PRORP: variants seen among roughly 807,000 people sequenced by gnomAD.
PRORP encodes the protein protein only RNase P catalytic subunit.
A neutral mutation model predicts 59.4 loss-of-function variants in PRORP; 51 were observed. The observed-to-expected ratio is 0.86, with a 90% CI of 0.69 to 1.08. PRORP has a LOEUF of 1.08. PRORP is among the 50% of genes least tolerant of loss of function. The pLI is 0.00. For synonymous variants in PRORP, 231 were observed against 245.6 expected, an observed-to-expected ratio of 0.94 and a Z score of 0.55; for missense variants, 646 against 690.3, an observed-to-expected ratio of 0.94 and a Z score of 0.72.
chr14:35,221,049 A>T (rs916614451), intron 5 of PRORP, among the ~76,000 whole-genome samples: 1 of 152,210 alleles, frequency 6.6e-6, no homozygotes, highest in Non-Finnish European at 1.5e-5. Context: ...CAGCCAGTAC[A>T]AATGCCCACA....
intron 4 of PRORP, among the ~76,000 whole-genome samples, chr14:35,164,975 G>T (rs1423710428): frequency 6.6e-6 from 1 of 152,148 alleles, no homozygotes; most frequent in East Asian, 1.9e-4. Context: ...CCCATTGTTT[G>T]CAGGTACCTT....
At chr14:35,139,933 T>A (rs915098083) in intron 4 of PRORP, among the ~76,000 whole-genome samples, 6 of 145,808 alleles carry the variant, frequency 4.1e-5, no homozygotes, top group African/African-American at 1.5e-4. Context: ...GGCTTTTAGC[T>A]GCATCACTCC....
chr14:35,122,285 G>A (rs187214830), upstream of PRORP: 66 of 337,500 alleles, frequency 2.0e-4, no homozygotes, highest in East Asian at 3.7e-3. Flanking sequence ...TTTGGCGCGT[G>A]CGCACCACGT....
At chr14:35,267,627 A>G (rs984278437) in intron 6 of PRORP, among the ~76,000 whole-genome samples, 1 of 152,104 alleles carries the variant, frequency 6.6e-6, no homozygotes, top group Non-Finnish European at 1.5e-5. Context: ...TAAAAATACA[A>G]AAAATTAACC....
At chr14:35,228,756 T>G (rs920417577) in intron 5 of PRORP, among the ~76,000 whole-genome samples, 23 of 152,216 alleles carry the variant, frequency 1.5e-4, no homozygotes, top group African/African-American at 4.1e-4. Flanking sequence ...TGAATAATGT[T>G]GCGATGAACA....
chr14:35,255,479 A>T (rs2050728233), intron 5 of PRORP, among the ~76,000 whole-genome samples: 1 of 151,660 alleles, frequency 6.6e-6, no homozygotes, highest in Non-Finnish European at 1.5e-5. Context: ...ATGCCTAGTG[A>T]CTTACAGAGG....
chr14:35,261,690 T>C lies in PRORP; in HGVS notation c.1276-5037T>C, dbSNP rs190585950. ...GTTGCAGTGAGCCAAGATTGTGCCA[T>C]TGCACTCCAGCCTGGGTAACAGAGC... On this transcript the variant is annotated intron_variant, in intron 5 of 7. Transcript: ENST00000534898. Among the ~76,000 whole-genome samples, 169 of 151,954 alleles carry C rather than the reference T, an allele frequency of 1.1e-3. 1 individual carries two copies. Among genetic ancestry groups the C allele is most frequent in the African/African-American group, 3.8e-3 (156 of 41,436 alleles).
At position 35,123,114 on chromosome 14, in the gene PRORP, G is replaced by A. The variant is rs1385096137; in HGVS notation, c.-132G>A. The A allele has an allele frequency of 9.8e-6, 9 of 918,786 alleles. No individual in the cohort carries two copies. Among genetic ancestry groups the A allele is most frequent in the South Asian group, 3.4e-5 (2 of 58,790 alleles). The allele number at this position is 918,786 out of a possible 1,614,324, so 56.9% of individuals were successfully genotyped here. ...AAGCAGAACCTTGATTTGTCTGTAA[G>A]GAAGAAACACAAACCTTTTAAAAAG... is the stretch of plus-strand genomic sequence containing the variant. On this transcript the variant is annotated 5_prime_UTR_variant, in exon 2 of 8. Coordinates refer to ENST00000534898, the MANE Select transcript of PRORP (RefSeq NM_014672.4).
At chr14:35,180,091 A>G (rs7141714) in intron 4 of PRORP, among the ~76,000 whole-genome samples, 28,037 of 152,074 alleles carry the variant, frequency 0.18, 2,835 homozygotes, top group Admixed American at 0.27. Context: ...TCGTTCCTCT[A>G]GAAGCTTCGT....
intron 5 of PRORP, among the ~76,000 whole-genome samples, chr14:35,205,778 T>C (rs1032962818): frequency 3.9e-5 from 6 of 152,220 alleles, no homozygotes; most frequent in African/African-American, 1.2e-4. Flanking sequence ...TGTTTGTTTG[T>C]TTTTTCTCAC....
At chr14:35,201,893 G>A (rs1443377958) in intron 5 of PRORP, among the ~76,000 whole-genome samples, 1 of 151,782 alleles carries the variant, frequency 6.6e-6, no homozygotes, top group Non-Finnish European at 1.5e-5. Context: ...CCTGACCTCA[G>A]ATGATCTGCC....
In PRORP at chr14:35,123,365, G is replaced by A; in HGVS notation, c.120G>A (p.Arg40=). Residue 40 remains arginine (R), a synonymous_variant, in exon 2 of 8, where the codon AGG becomes AGA. Transcript: ENST00000534898. The part of the protein sequence containing the change: ...SLFLADRCGI[R]NQQRLFSLKT... ...TTCTGGCAGACCGCTGTGGCATCAG[G>A]AACCAGCAGAGGTTGTTTTCTCTTA... 1 of 1,614,128 alleles carries A rather than the reference G, an allele frequency of 6.2e-7. No homozygotes were observed. Among genetic ancestry groups the A allele is most frequent in the Middle Eastern group, 1.6e-4 (1 of 6,062 alleles).
Position 35,202,744 on chromosome 14 carries a change from C to T in PRORP, c.1275+21967C>T, listed in dbSNP as rs142067750. Among the ~76,000 whole-genome samples, 394 of 152,272 alleles carry T rather than the reference C, an allele frequency of 2.6e-3. 3 individuals carry two copies. The highest frequency in any genetic ancestry group is 8.1e-3 in the African/African-American group (337 of 41,552). ...TCCTGGACTCAAGCAGTCCTTCCGC[C>T]TCAGCCTCCTGAGTAGCTAGGACAA... is the stretch of plus-strand genomic sequence containing the variant. On this transcript the variant is annotated intron_variant, in intron 5 of 7. Transcript: ENST00000534898.
At chr14:35,246,261 C>T (rs1262686733) in intron 5 of PRORP, among the ~76,000 whole-genome samples, 2 of 152,036 alleles carry the variant, frequency 1.3e-5, no homozygotes, top group Non-Finnish European at 2.9e-5. Flanking sequence ...GGGAGATGTT[C>T]GTTGGTTATT....
intron 4 of PRORP, among the ~76,000 whole-genome samples, chr14:35,157,234 C>T (rs775181981): frequency 3.3e-5 from 5 of 151,788 alleles, no homozygotes; most frequent in Non-Finnish European, 7.4e-5. Flanking sequence ...GGATTACAGG[C>T]GTGAGCCACC....
intron 5 of PRORP, among the ~76,000 whole-genome samples, chr14:35,229,837 A>T (rs961691949): frequency 3.3e-5 from 5 of 151,922 alleles, no homozygotes; most frequent in African/African-American, 1.2e-4. Context: ...ATCACTCATG[A>T]TGTTTCCATT....
intron 4 of PRORP, among the ~76,000 whole-genome samples, chr14:35,143,219 C>T (rs1275116556): frequency 1.4e-5 from 2 of 145,598 alleles, no homozygotes; most frequent in East Asian, 2.3e-4. Context: ...GTGGCGCAAT[C>T]GCTGCTCACT....
chr14:35,178,692 T>C (rs2048517814), intron 4 of PRORP, among the ~76,000 whole-genome samples: 1 of 152,234 alleles, frequency 6.6e-6, no homozygotes, highest in Admixed American at 6.5e-5. Context: ...CTTGACTCTT[T>C]ATCCAGTTTG....
intron 5 of PRORP, among the ~76,000 whole-genome samples, chr14:35,183,659 T>C (rs2048673947): frequency 6.6e-6 from 1 of 152,140 alleles, no homozygotes; most frequent in African/African-American, 2.4e-5. Flanking sequence ...TATTGCCAAA[T>C]TGCTTTCCAA....
Sources: allele counts gnomAD v4.1 joint callset (sites outside exome capture counted in the v4.1 genomes callset), GRCh38; gene constraint gnomAD v4.1.1; transcripts MANE v1.5; gene names NCBI Gene and HGNC (gene_info 2026-07-23, HGNC 2026-07-21).